ZNF766: variants seen among roughly 807,000 people sequenced by gnomAD.
ZNF766 encodes zinc finger protein 766.
Under a neutral mutation model 13.2 loss-of-function variants are expected in ZNF766, and 13 were observed. The ratio of observed to expected loss-of-function variants is 0.98; its 90% CI spans 0.64 to 1.56. The LOEUF is 1.56. Among genes scored for constraint, ZNF766 ranks in the 40% most tolerant of loss-of-function variants. The pLI is 0.00. For synonymous variants in ZNF766, 178 were observed against 187.6 expected, an observed-to-expected ratio of 0.95 and a Z score of 0.42; for missense variants, 521 against 552.2, an observed-to-expected ratio of 0.94 and a Z score of 0.57.
At chr19:52,289,950 G>A (rs10417958) in intron 3 of ZNF766, 116 bp from the exon 4 acceptor site, 142,156 of 1,058,542 alleles carry the variant, frequency 0.13, 9,966 homozygotes, top group East Asian at 0.23. Flanking sequence ...GCAGTGATCC[G>A]AGATCGTGCC....
chr19:52,289,153 G>GTT (rs61647050), intron 3 of ZNF766, among the ~76,000 whole-genome samples: 36 of 133,458 alleles, frequency 2.7e-4, no homozygotes, highest in South Asian at 4.8e-4. Flanking sequence ...ACCGCATGTG[G>GTT]TTTTTTTTTT....
At chr19:52,283,927 G>A (rs970863771) in intron 3 of ZNF766, among the ~76,000 whole-genome samples, 15 of 152,126 alleles carry the variant, frequency 9.9e-5, no homozygotes, top group Non-Finnish European at 1.6e-4. Context: ...TAGTACAGAC[G>A]AGGTTTCACC....
At chr19:52,288,694 GTT>G (rs570168757) in intron 3 of ZNF766, among the ~76,000 whole-genome samples, 13 of 138,202 alleles carry the variant, frequency 9.4e-5, no homozygotes, top group Non-Finnish European at 1.6e-4. Flanking sequence ...ACACCCAGCC[GTT>G]TTTTTTTTTT....
intron 1 of ZNF766, among the ~76,000 whole-genome samples, chr19:52,273,240 C>A (rs1186135007): frequency 1.3e-5 from 2 of 152,186 alleles, no homozygotes; most frequent in African/African-American, 4.8e-5. Context: ...GATCTCTTGA[C>A]CTTGTGATCT....
intron 1 of ZNF766, among the ~76,000 whole-genome samples, chr19:52,273,762 A>G (rs1427449105): frequency 6.6e-6 from 1 of 152,146 alleles, no homozygotes; most frequent in Non-Finnish European, 1.5e-5. Flanking sequence ...GCTGTCCACT[A>G]CGTAAATCCT....
In ZNF766 at chr19:52,282,131, C is replaced by T. The variant is rs767321831; in HGVS notation, c.39C>T (p.Asp13=). 8.7e-6 allele frequency: 14 copies of T among 1,603,792 alleles called. No individual in the cohort carries two copies. The African/African-American group carries it at 1.2e-4, about 14-fold the overall frequency. The change falls in exon 2 of 4, where the codon GAC becomes GAT. Residue 13 remains aspartate (D), a synonymous_variant. Coordinates refer to ENST00000439461, the MANE Select transcript of ZNF766 (RefSeq NM_001010851.3). ...QLRRGHLTFR[D]VAIEFSQEEW... ...TTTAGGGACACTTGACATTCAGGGA[C>T]GTGGCCATAGAATTCTCTCAGGAGG... is the stretch of plus-strand genomic sequence containing the variant.
At chr19:52,287,480 A>G (rs1981891264) in intron 3 of ZNF766, among the ~76,000 whole-genome samples, 2 of 152,164 alleles carry the variant, frequency 1.3e-5, no homozygotes, top group Admixed American at 1.3e-4. Flanking sequence ...CTCTGCTTTC[A>G]AGGTAACACT....
chr19:52,287,943 T>C (rs1440872043), intron 3 of ZNF766: 1 of 407,386 alleles, frequency 2.5e-6, no homozygotes, highest in Non-Finnish European at 4.7e-6. Context: ...TTCCTGACTT[T>C]CTCTAGTGCT....
Position 52,292,208 on chromosome 19 carries a change from A to G in ZNF766, c.*1010A>G. On this transcript the variant is annotated 3_prime_UTR_variant, in exon 4 of 4. Coordinates refer to ENST00000439461, the MANE Select transcript of ZNF766 (RefSeq NM_001010851.3). Reference sequence around the variant, plus strand: ...ATGACAGGGCTGACTTCATTAGATGAGGAGCGTTTCTATCCAGTTTCCTGG... The same window carrying G: ...ATGACAGGGCTGACTTCATTAGATGGGGAGCGTTTCTATCCAGTTTCCTGG... 1 of 702,498 alleles carries G rather than the reference A, an allele frequency of 1.4e-6. No individual in the cohort carries two copies. The allele number at this position is 702,498 out of a possible 1,614,324, so 43.5% of individuals were successfully genotyped here.
intron 1 of ZNF766, chr19:52,277,525 G>C: frequency 6.3e-7 from 1 of 1,577,338 alleles, no homozygotes. Context: ...GAGGAGTCAG[G>C]CATGCCACTT....
At chr19:52,286,665 A>G (rs528097189) in intron 3 of ZNF766, among the ~76,000 whole-genome samples, 4 of 151,996 alleles carry the variant, frequency 2.6e-5, no homozygotes, top group Non-Finnish European at 4.4e-5. Flanking sequence ...TTATTCTGTT[A>G]TTGTGGGATA....
Position 52,292,002 on chromosome 19 carries a change from T to C in ZNF766, c.*804T>C. 2 of 585,588 alleles carry C rather than the reference T, an allele frequency of 3.4e-6. No homozygotes were observed. Among genetic ancestry groups the C allele is most frequent in the Admixed American group, 5.8e-5 (2 of 34,294 alleles). The allele number at this position is 585,588 out of a possible 1,614,324, so 36.3% of individuals were successfully genotyped here. ...CAAGAGGATTGCTCAAGCCCAGGAG[T>C]TTGAGAGTTTGAGCAGTGAGCTCTG... On this transcript the variant is annotated 3_prime_UTR_variant, in exon 4 of 4. Coordinates refer to ENST00000439461, the MANE Select transcript of ZNF766 (RefSeq NM_001010851.3).
intron 3 of ZNF766, among the ~76,000 whole-genome samples, chr19:52,288,357 GT>G (rs138060572): frequency 0.065 from 9,942 of 151,880 alleles, 672 homozygotes; most frequent in African/African-American, 0.17. Flanking sequence ...ATAAAGTTAG[GT>G]TGTTTATACG....
chr19:52,290,824 C>T lies in ZNF766; in HGVS notation c.1033C>T (p.His345Tyr). 1 of 1,614,040 alleles carries T rather than the reference C, an allele frequency of 6.2e-7. No homozygotes were observed. The highest frequency in any genetic ancestry group is 1.3e-5 in the African/African-American group (1 of 75,046). ...EFSGHSSLTT[H>Y]LLIHTGEKPY... ...TAGTGGGCATTCAAGCCTCACCACCCATCTGTTAATCCACACTGGAGAGAA... is the reference window on the plus strand; with the variant it reads ...TAGTGGGCATTCAAGCCTCACCACCTATCTGTTAATCCACACTGGAGAGAA... Residue 345 changes from histidine (H) to tyrosine (Y), a missense_variant, in exon 4 of 4, where the codon CAT becomes TAT. By Grantham distance (83) the His-to-Tyr change is moderately conservative (BLOSUM62 2). Coordinates refer to ENST00000439461, the MANE Select transcript of ZNF766 (RefSeq NM_001010851.3).
At chr19:52,286,892 G>A (rs934621315) in intron 3 of ZNF766, among the ~76,000 whole-genome samples, 9 of 152,150 alleles carry the variant, frequency 5.9e-5, no homozygotes, top group African/African-American at 2.2e-4. Flanking sequence ...GTGGAGTGCA[G>A]TGGCTTGATC....
At position 52,293,496 on chromosome 19, in the gene ZNF766, T is replaced by A. The variant is rs1328272723; in HGVS notation, c.*2298T>A. 6.6e-6 allele frequency: 1 copy of A among 152,138 alleles called. No homozygotes were observed. The highest frequency in any genetic ancestry group is 2.4e-5 in the African/African-American group (1 of 41,424). The allele number at this position is 152,138 out of a possible 1,614,324, so 9.4% of individuals were successfully genotyped here. On this transcript the variant is annotated 3_prime_UTR_variant, in exon 4 of 4. Coordinates refer to ENST00000439461, the MANE Select transcript of ZNF766 (RefSeq NM_001010851.3). ...GGCCAGGATTTTTAAGGTTGAAGCATCCACAACAATTTTGTGTGTGAAATG... is the reference window on the plus strand; with the variant it reads ...GGCCAGGATTTTTAAGGTTGAAGCAACCACAACAATTTTGTGTGTGAAATG...
chr19:52,277,456 C>T, intron 1 of ZNF766: 3 of 1,544,290 alleles, frequency 1.9e-6, no homozygotes, highest in Non-Finnish European at 2.6e-6. Flanking sequence ...GAGACTCCGT[C>T]TCAAAAAAAA....
chr19:52,269,802 C>G (rs1002852152), intron 1 of ZNF766, among the ~76,000 whole-genome samples, 171 bp downstream of exon 1: 1 of 152,212 alleles, frequency 6.6e-6, no homozygotes, highest in South Asian at 2.1e-4. Context: ...CTGGTTCTGT[C>G]TCCGGTCGTT....
At chr19:52,273,091 C>G (rs1402788224) in intron 1 of ZNF766, among the ~76,000 whole-genome samples, 4 of 152,132 alleles carry the variant, frequency 2.6e-5, no homozygotes, top group Non-Finnish European at 5.9e-5. Context: ...TCACCATAAC[C>G]TCTGCCTCCC....
Sources: gnomAD v4.1 joint callset for allele counts (sites outside exome capture counted in the v4.1 genomes callset) on GRCh38, gnomAD v4.1.1 for gene constraint, MANE v1.5 for transcripts, NCBI Gene and HGNC (gene_info 2026-07-23, HGNC 2026-07-21) for gene names.